ATXN7L1: variants seen among roughly 807,000 people sequenced by gnomAD.
ATXN7L1 encodes the protein ataxin 7 like 1.
A neutral mutation model predicts 70.8 loss-of-function variants in ATXN7L1; 15 were observed. The observed-to-expected ratio is 0.21, with a 90% CI of 0.14 to 0.33. The LOEUF is 0.33. Ranked by LOEUF, ATXN7L1 falls within the 10% of genes least tolerant of loss-of-function variation. ATXN7L1 has a pLI of 1.00. For synonymous variants in ATXN7L1, 440 were observed against 445.1 expected, an observed-to-expected ratio of 0.99 and a Z score of 0.14; for missense variants, 975 against 1,097.1, an observed-to-expected ratio of 0.89 and a Z score of 1.57.
At chr7:105,772,546 G>T (rs1043780163) in intron 3 of ATXN7L1, among the ~76,000 whole-genome samples, 8 of 152,028 alleles carry the variant, frequency 5.3e-5, no homozygotes, top group Non-Finnish European at 1.0e-4. Flanking sequence ...AGAACCTAAG[G>T]CAAAAGCATT....
chr7:105,832,227 G>A (rs1190785353), intron 2 of ATXN7L1, among the ~76,000 whole-genome samples: 1 of 152,114 alleles, frequency 6.6e-6, no homozygotes, highest in Non-Finnish European at 1.5e-5. Context: ...AAAGAACAGT[G>A]AAAAATTTTT....
chr7:105,727,746 G>GTATATGTATATATATATATATA (rs1554442462), intron 3 of ATXN7L1, among the ~76,000 whole-genome samples: 1 of 55,342 alleles, frequency 1.8e-5, no homozygotes, highest in African/African-American at 9.8e-5. Context: ...GTGTATGTGT[G>GTATATGTATATATATATATATA]TATATATATA....
At chr7:105,751,085 C>T (rs2116386535) in intron 3 of ATXN7L1, among the ~76,000 whole-genome samples, 1 of 152,248 alleles carries the variant, frequency 6.6e-6, no homozygotes, top group East Asian at 1.9e-4. Context: ...GAACATTTTT[C>T]TATTTCCCTT....
Position 105,624,273 on chromosome 7 carries a change from G to A in ATXN7L1, c.1203-6C>T. The A allele has an allele frequency of 7.2e-7, 1 of 1,393,352 alleles. No individual in the cohort carries two copies. Among genetic ancestry groups the A allele is most frequent in the Non-Finnish European group, 9.4e-7 (1 of 1,058,736 alleles). The allele number at this position is 1,393,352 out of a possible 1,614,324, so 86.3% of individuals were successfully genotyped here. A position where few individuals can be genotyped will look rare whatever the true frequency, so the allele number is the denominator to read the frequency against. On this transcript the variant is annotated splice_region_variant and splice_polypyrimidine_tract_variant and intron_variant, in intron 7 of 11. Coordinates refer to ENST00000419735, the MANE Select transcript of ATXN7L1 (RefSeq NM_020725.2). ...TGCTATTTGCAGATGATGGTCTAAG[G>A]GCAAGAGCGGAGAACAAACAAAATA...
chr7:105,613,799 G>T, intron 10 of ATXN7L1, 63 bp downstream of exon 10: 2 of 1,551,058 alleles, frequency 1.3e-6, no homozygotes, highest in Middle Eastern at 1.7e-4. Flanking sequence ...GGCTAAGCAG[G>T]GGCGCTGCCC....
rs148811028 is a variant in ATXN7L1, at chr7:105,790,851, A to C, written c.251-2143T>G. Among the ~76,000 whole-genome samples the C allele has an allele frequency of 2.6e-4, 40 of 152,204 alleles. No individual in the cohort carries two copies. In the South Asian group the frequency reaches 7.9e-3, roughly 30 times the overall value. The stretch of plus-strand genomic sequence containing the variant: ...TGGCTTTGAGAGGGCAGCCATGAAC[A>C]CTGGCAGGGGTGATACAGGAATTAA... On this transcript the variant is annotated intron_variant, in intron 2 of 11. Coordinates refer to ENST00000419735, the MANE Select transcript of ATXN7L1 (RefSeq NM_020725.2).
intron 3 of ATXN7L1, among the ~76,000 whole-genome samples, chr7:105,696,694 C>T (rs1175369881): frequency 6.6e-6 from 1 of 152,200 alleles, no homozygotes; most frequent in African/African-American, 2.4e-5. Flanking sequence ...CAAAGCAGTT[C>T]CACCACAAAC....
intron 3 of ATXN7L1, among the ~76,000 whole-genome samples, chr7:105,718,409 A>G (rs1255696002): frequency 6.6e-6 from 1 of 152,180 alleles, no homozygotes; most frequent in East Asian, 1.9e-4. Flanking sequence ...TATAAATGGG[A>G]TCCACTTCCA....
At chr7:105,817,312 C>A (rs564698041) in intron 2 of ATXN7L1, among the ~76,000 whole-genome samples, 1 of 152,156 alleles carries the variant, frequency 6.6e-6, no homozygotes, top group Non-Finnish European at 1.5e-5. Context: ...TGGAAGCCTA[C>A]TGCTCAGTGT....
intron 4 of ATXN7L1, among the ~76,000 whole-genome samples, chr7:105,658,909 C>A (rs753728779): frequency 1.3e-5 from 2 of 152,108 alleles, no homozygotes; most frequent in African/African-American, 2.4e-5. Context: ...TTTGGGAGGC[C>A]AAGGCAGACG....
chr7:105,620,442 C>T, intron 8 of ATXN7L1, 121 bp from the exon 9 acceptor site: 1 of 1,124,936 alleles, frequency 8.9e-7, no homozygotes, highest in Non-Finnish European at 1.2e-6. Flanking sequence ...AAGAAGCAAA[C>T]CGTACTGAAG....
intron 3 of ATXN7L1, among the ~76,000 whole-genome samples, chr7:105,698,066 CAAGGA>C (rs2116226308): frequency 6.6e-6 from 1 of 152,264 alleles, no homozygotes; most frequent in East Asian, 1.9e-4. Flanking sequence ...GATACAGAGG[CAAGGA>C]AAGCATGTTG....
At chr7:105,876,001 A>C (rs1449670007) in intron 1 of ATXN7L1, 121 bp from the exon 2 acceptor site, 7 of 920,708 alleles carry the variant, frequency 7.6e-6, no homozygotes, top group Non-Finnish European at 1.2e-5. Context: ...CTGTATATGA[A>C]ATTCTTTCAA....
Position 105,871,868 on chromosome 7 carries a change from A to C in ATXN7L1, c.250+3944T>G, listed in dbSNP as rs79188190. Reference sequence around the variant, plus strand: ...TGGAGAACTGAAAGAAATGGAAAGAATTGAAAGAAAGTTTAAAGGGGTGAG... The same window carrying C: ...TGGAGAACTGAAAGAAATGGAAAGACTTGAAAGAAAGTTTAAAGGGGTGAG... On this transcript the variant is annotated intron_variant, in intron 2 of 11. Transcript: ENST00000419735. Among the ~76,000 whole-genome samples, 302 of 152,338 alleles carry C rather than the reference A, an allele frequency of 2.0e-3. 10 individuals carry two copies. In the East Asian group the frequency reaches 0.039, roughly 20 times the overall value.
intron 7 of ATXN7L1, among the ~76,000 whole-genome samples, chr7:105,625,261 G>C (rs888830765): frequency 2.0e-5 from 3 of 152,064 alleles, no homozygotes; most frequent in African/African-American, 7.2e-5. Context: ...TTATTTATTT[G>C]TTTGTTTACG....
At chr7:105,754,851 C>T (rs560629531) in intron 3 of ATXN7L1, among the ~76,000 whole-genome samples, 37 of 152,322 alleles carry the variant, frequency 2.4e-4, no homozygotes, top group African/African-American at 8.7e-4. Context: ...GTAAGCAAAA[C>T]CAGGTAAGGT....
chr7:105,763,997 G>A (rs1232024939), intron 3 of ATXN7L1, among the ~76,000 whole-genome samples: 1 of 151,976 alleles, frequency 6.6e-6, no homozygotes, highest in Non-Finnish European at 1.5e-5. Context: ...GGGATTACAG[G>A]TGCCCGCCAC....
intron 4 of ATXN7L1, among the ~76,000 whole-genome samples, chr7:105,658,052 G>C (rs1379138287): frequency 6.6e-6 from 1 of 152,060 alleles, no homozygotes; most frequent in Non-Finnish European, 1.5e-5. Context: ...TGAAATGATA[G>C]TATTTTGAAT....
Position 105,624,042 on chromosome 7 carries a change from AGAACGCATGGCAAG to A in ATXN7L1, c.1395+19_1395+32del, listed in dbSNP as rs1415561662. 2.2e-6 allele frequency: 3 copies of A among 1,372,340 alleles called. No homozygotes were observed. The highest frequency in any genetic ancestry group is 3.1e-5 in the Admixed American group (1 of 32,448). 85.0% of individuals were successfully genotyped at this position (1,372,340 alleles called of 1,614,324 possible). A position where few individuals can be genotyped will look rare whatever the true frequency, so the allele number is the denominator to read the frequency against. ...CTAAGTGTCTGCAAAGCACAGGCGA[AGAACGCATGGCAAG>A]GAACGGAAGGAGGCCTACCGCCAGA... On this transcript the variant is annotated intron_variant, in intron 8 of 11. Coordinates refer to ENST00000419735, the MANE Select transcript of ATXN7L1 (RefSeq NM_020725.2).
Sources: gnomAD v4.1 joint callset for allele counts (sites outside exome capture counted in the v4.1 genomes callset) on GRCh38, gnomAD v4.1.1 for gene constraint, MANE v1.5 for transcripts, NCBI Gene and HGNC (gene_info 2026-07-23, HGNC 2026-07-21) for gene names.